The following CAND2 variants were observed in gnomAD, a reference collection of about 807,000 sequenced individuals.
CAND2 encodes the protein cullin-associated NEDD8-dissociated protein 2.
In CAND2, 62 loss-of-function variants were observed where a neutral mutation model predicts 98.9. The ratio of observed to expected loss-of-function variants is 0.63; its 90% CI spans 0.51 to 0.77. The LOEUF (loss-of-function observed/expected upper bound fraction) is 0.77. Ranked by LOEUF, CAND2 falls within the 30% of genes least tolerant of loss-of-function variation. The pLI, the probability that CAND2 is intolerant of heterozygous loss-of-function variation, is 0.00. For missense variants in CAND2, 1,501 were observed against 1,655.2 expected (o/e 0.91, Z 1.62); for synonymous variants, 770 against 731.9 (o/e 1.05, Z -0.84).
intron 2 of CAND2, among the ~76,000 whole-genome samples, chr3:12,804,848 C>T (rs2061794255): frequency 6.6e-6 from 1 of 152,122 alleles, no homozygotes; most frequent in African/African-American, 2.4e-5. Context: ...GCAATGTGAT[C>T]CCAAGAGCAG....
At chr3:12,818,890 C>T (rs572145141) in intron 10 of CAND2, among the ~76,000 whole-genome samples, 30 of 152,282 alleles carry the variant, frequency 2.0e-4, no homozygotes, top group South Asian at 1.7e-3. Flanking sequence ...CCTTGAGAGA[C>T]GAGAGTGTTA....
At position 12,817,819 on chromosome 3, in the gene CAND2, C is replaced by T. The variant is rs373272837; in HGVS notation, c.2887C>T (p.Leu963=). Residue 963 remains leucine (L), a synonymous_variant, in exon 10 of 15, where the codon CTG becomes TTG. Coordinates refer to ENST00000456430, the MANE Select transcript of CAND2 (RefSeq NM_001162499.2). ...RGVVAECIGK[L]VLVNPSFLLP... ...GGTGGTGGCCGAGTGCATTGGGAAG[C>T]TGGTCCTTGTGAACCCTTCGTTCCT... The T allele has an allele frequency of 3.7e-5, 56 of 1,522,538 alleles. No individual in the cohort carries two copies. The African/African-American group carries it at 7.5e-4, about 20-fold the overall frequency. The allele number at this position is 1,522,538 out of a possible 1,614,324, so 94.3% of individuals were successfully genotyped here.
chr3:12,801,484 G>A (rs1184035065), intron 1 of CAND2, among the ~76,000 whole-genome samples: 1 of 152,326 alleles, frequency 6.6e-6, no homozygotes, highest in South Asian at 2.1e-4. Flanking sequence ...GGCGGGAATG[G>A]TGCCCAATTC....
intron 14 of CAND2, 44 bp downstream of exon 14, chr3:12,831,616 T>G (rs776321613): frequency 3.0e-6 from 4 of 1,354,604 alleles, no homozygotes; most frequent in African/African-American, 2.9e-5. Flanking sequence ...GGAGCACCTA[T>G]GGAGTCCTCG....
chr3:12,809,726 C>T (rs1227995843), intron 4 of CAND2, among the ~76,000 whole-genome samples: 1 of 151,804 alleles, frequency 6.6e-6, no homozygotes, highest in Non-Finnish European at 1.5e-5. Flanking sequence ...GGAGGATGGA[C>T]AGAAGGGGAT....
intron 7 of CAND2, among the ~76,000 whole-genome samples, chr3:12,814,015 G>A (rs2061876286): frequency 6.6e-6 from 1 of 152,262 alleles, no homozygotes; most frequent in Non-Finnish European, 1.5e-5. Context: ...AACAAGATGG[G>A]ATGGTAAATG....
chr3:12,806,631 AT>A (rs1041344834), intron 2 of CAND2, among the ~76,000 whole-genome samples: 1 of 152,204 alleles, frequency 6.6e-6, no homozygotes, highest in Non-Finnish European at 1.5e-5. Context: ...CCAGGTAGGC[AT>A]TTTTTAGAGG....
At chr3:12,827,956 C>A (rs554122641) in intron 13 of CAND2, among the ~76,000 whole-genome samples, 1 of 151,368 alleles carries the variant, frequency 6.6e-6, no homozygotes, top group Non-Finnish European at 1.5e-5. Flanking sequence ...GCACTCCAAC[C>A]TGGACGACAA....
chr3:12,820,028 T>C (rs1023190284), intron 10 of CAND2, 58 bp from the exon 11 acceptor site: 2 of 1,385,624 alleles, frequency 1.4e-6, no homozygotes, highest in Admixed American at 1.7e-5. Context: ...CCTTCTGATC[T>C]GTGAGCCTCC....
intron 2 of CAND2, 144 bp from the exon 3 acceptor site, chr3:12,807,158 CTCTT>C: frequency 1.5e-6 from 1 of 652,760 alleles, no homozygotes; most frequent in Non-Finnish European, 2.6e-6. Context: ...CAGAGAGTAT[CTCTT>C]TCTGGCCAAA....
At chr3:12,822,339 G>C (rs4684884) in intron 11 of CAND2, among the ~76,000 whole-genome samples, 89,052 of 147,082 alleles carry the variant, frequency 0.61, 27,313 homozygotes, top group African/African-American at 0.64. Context: ...CTGTCACCCA[G>C]GCTGGAAGGC....
At chr3:12,802,801 G>T (rs937574155) in intron 1 of CAND2, among the ~76,000 whole-genome samples, 2 of 152,102 alleles carry the variant, frequency 1.3e-5, no homozygotes, top group African/African-American at 4.8e-5. Context: ...CAACCTAGAT[G>T]GTAGAGCCTA....
intron 4 of CAND2, among the ~76,000 whole-genome samples, chr3:12,809,758 C>T (rs1274055054): frequency 6.6e-6 from 1 of 152,002 alleles, no homozygotes. Flanking sequence ...AAGGCCTAGA[C>T]TTCCAAGAAA....
chr3:12,807,151 A>G lies in CAND2; in HGVS notation c.213-155A>G, dbSNP rs1346897518. The G allele has an allele frequency of 4.0e-5, 25 of 623,584 alleles. No homozygotes were observed. The Admixed American group carries it at 8.1e-4, about 20-fold the overall frequency. 38.6% of individuals were successfully genotyped at this position (623,584 alleles called of 1,614,324 possible). A position where few individuals can be genotyped will look rare whatever the true frequency, so the allele number is the denominator to read the frequency against. On this transcript the variant is annotated intron_variant, in intron 2 of 14. Transcript: ENST00000456430. ...CCAGGAACGATGTTGGCATAGCCAG[A>G]GAGTATCTCTTTCTGGCCAAACAGG...
chr3:12,815,536 A>C lies in CAND2; in HGVS notation c.1299+103A>C. 3 of 1,131,356 alleles carry C rather than the reference A, an allele frequency of 2.7e-6. No individual in the cohort carries two copies. The highest frequency in any genetic ancestry group is 3.7e-6 in the Non-Finnish European group (3 of 811,926). 70.1% of individuals were successfully genotyped at this position (1,131,356 alleles called of 1,614,324 possible). On this transcript the variant is annotated intron_variant, in intron 8 of 14. Coordinates refer to ENST00000456430, the MANE Select transcript of CAND2 (RefSeq NM_001162499.2). This position sits in a 1 kb window ranked among gnomAD's most constrained non-coding sequence, Gnocchi z 5.7. ...AACTCAGCTGGGAGAACATCCAGCC[A>C]TGGAAGGGAAGGGAAGGGGTCCCTG... is the stretch of plus-strand genomic sequence containing the variant.
At chr3:12,804,348 A>G (rs1283139032) in intron 2 of CAND2, among the ~76,000 whole-genome samples, 2 of 152,150 alleles carry the variant, frequency 1.3e-5, no homozygotes, top group African/African-American at 2.4e-5. Flanking sequence ...CTGTAATCAC[A>G]GCTACTTGGG....
intron 10 of CAND2, among the ~76,000 whole-genome samples, chr3:12,819,316 T>G (rs1443969888): frequency 6.6e-6 from 1 of 152,194 alleles, no homozygotes; most frequent in Non-Finnish European, 1.5e-5. Context: ...AGGCTGAACA[T>G]AAAGCCTGTG....
chr3:12,802,233 AG>A (rs1403435052), intron 1 of CAND2, among the ~76,000 whole-genome samples: 23 of 152,354 alleles, frequency 1.5e-4, no homozygotes, highest in African/African-American at 5.3e-4. Context: ...AGGCTGAGGC[AG>A]GAGAATGGTG....
intron 3 of CAND2, among the ~76,000 whole-genome samples, chr3:12,807,905 C>A (rs1170576139): frequency 6.6e-6 from 1 of 152,212 alleles, no homozygotes; most frequent in Non-Finnish European, 1.5e-5. Flanking sequence ...CCAGCCACTC[C>A]CAGCAGCAAG....
Sources: allele counts gnomAD v4.1 joint callset (sites outside exome capture counted in the v4.1 genomes callset), GRCh38; gene constraint gnomAD v4.1.1; non-coding constraint Gnocchi (gnomAD v3.1); transcripts MANE v1.5; gene names NCBI Gene and HGNC (gene_info 2026-07-23, HGNC 2026-07-21).